The following TMEM163 variants were observed in gnomAD, a reference collection of about 807,000 sequenced individuals.
TMEM163 encodes the protein transmembrane protein 163.
A neutral mutation model predicts 29.3 loss-of-function variants in TMEM163; 17 were observed. That is an observed-to-expected ratio of 0.58 (90% CI 0.40 to 0.87). The LOEUF is 0.87. Among genes scored for constraint, TMEM163 ranks in the 40% least tolerant of loss-of-function variants. The probability of loss-of-function intolerance (pLI) is 0.00; values close to 1 mark genes in which losing one functional copy is unlikely to be tolerated. For missense variants in TMEM163, 303 were observed against 381.5 expected (o/e 0.79, Z 1.71); for synonymous variants, 157 against 160.6 (o/e 0.98, Z 0.17).
chr2:134,596,181 C>A (rs959996805), intron 2 of TMEM163, among the ~76,000 whole-genome samples: 3 of 152,124 alleles, frequency 2.0e-5, no homozygotes, highest in African/African-American at 7.2e-5. Flanking sequence ...ACATGAAGTC[C>A]TTGCCCACGC....
chr2:134,646,326 C>A (rs58522392), intron 2 of TMEM163, among the ~76,000 whole-genome samples: 8,566 of 152,058 alleles, frequency 0.056, 787 homozygotes, highest in African/African-American at 0.19. Flanking sequence ...TTCAGGTGAT[C>A]CACCCGCCTC....
In TMEM163 at chr2:134,574,576, C is replaced by CA. The variant is rs1407910023; in HGVS notation, c.323-22486dup. 4.6e-5 allele frequency among the ~76,000 whole-genome samples: 7 copies of CA among 151,822 alleles called. No individual in the cohort carries two copies. In the East Asian group the frequency reaches 5.8e-4, roughly 13 times the overall value. ...ACCCTGTCTCAAAACAAAAACAAAA[C>CA]AAAAAAAATCTAGGAAGATGTGTTC... is the stretch of plus-strand genomic sequence containing the variant. On this transcript the variant is annotated intron_variant, in intron 2 of 7. Transcript: ENST00000281924.
chr2:134,460,428 G>A lies in TMEM163; in HGVS notation c.668-2255C>T, dbSNP rs184381762. On this transcript the variant is annotated intron_variant, in intron 6 of 7. Coordinates refer to ENST00000281924, the MANE Select transcript of TMEM163 (RefSeq NM_030923.5). The surrounding 1 kb of genome is among the most constrained non-coding windows in gnomAD (Gnocchi z 4.3). ...ACAGGCGAGCTTTGCCATTTTAACC[G>A]CCCCCCTCCTCTCACTGGAAACCTA... Among the ~76,000 whole-genome samples, 42 of 151,760 alleles carry A rather than the reference G, an allele frequency of 2.8e-4. No homozygotes were observed. The highest frequency in any genetic ancestry group is 7.0e-4 in the African/African-American group (29 of 41,332).
chr2:134,704,276 A>G (rs1684760899), intron 2 of TMEM163, among the ~76,000 whole-genome samples: 1 of 152,070 alleles, frequency 6.6e-6, no homozygotes, highest in South Asian at 2.1e-4. Context: ...TGTCTCCTAA[A>G]TTCTCCTCCT....
rs1452756310 is a variant in TMEM163 at position 134,458,094 on chromosome 2, G to C, written c.747C>G (p.Val249=). 10 of 1,614,212 alleles carry C rather than the reference G, an allele frequency of 6.2e-6. No individual in the cohort carries two copies. The highest frequency in any genetic ancestry group is 1.7e-5 in the Admixed American group (1 of 60,032). The change falls in exon 7 of 8, where the codon GTC becomes GTG. Residue 249 remains valine, a synonymous_variant. Transcript: ENST00000281924. ...SAEVFKHDSA[V]WYLDGSIGVL... ...CGCCTATGCTGCCGTCCAGGTACCA[G>C]ACCGCCGAGTCATGCTTGAACACTT...
intron 2 of TMEM163, among the ~76,000 whole-genome samples, chr2:134,602,566 A>T (rs1330884318): frequency 6.6e-6 from 1 of 152,200 alleles, no homozygotes; most frequent in Non-Finnish European, 1.5e-5. Context: ...GGTAGCCTGA[A>T]TTGCCCTGAC....
intron 2 of TMEM163, among the ~76,000 whole-genome samples, chr2:134,617,705 A>G (rs1682640551): frequency 1.3e-5 from 2 of 152,226 alleles, no homozygotes; most frequent in South Asian, 4.1e-4. Context: ...AAAATGAGAC[A>G]TAGAAAACAA....
chr2:134,535,831 T>C (rs892187783), intron 4 of TMEM163, among the ~76,000 whole-genome samples: 9 of 152,038 alleles, frequency 5.9e-5, no homozygotes, highest in African/African-American at 2.2e-4. Flanking sequence ...CAAGCAATTA[T>C]CTTGCCTCAG....
At chr2:134,634,252 T>C (rs1683053770) in intron 2 of TMEM163, among the ~76,000 whole-genome samples, 4 of 151,924 alleles carry the variant, frequency 2.6e-5, no homozygotes, top group African/African-American at 7.3e-5. Flanking sequence ...AATGGGCTGC[T>C]CTCTGGAGTC....
intron 1 of TMEM163, chr2:134,713,742 G>A: frequency 4.4e-6 from 2 of 454,050 alleles, no homozygotes; most frequent in Admixed American, 4.7e-5. Flanking sequence ...CTCCTCAGCT[G>A]TGAGCATTGA....
At chr2:134,458,536 A>G (rs1210275839) in intron 6 of TMEM163, 3 of 214,422 alleles carry the variant, frequency 1.4e-5, no homozygotes, top group Non-Finnish European at 2.9e-5. Flanking sequence ...CCAGGCTCAC[A>G]GTAGACATTC....
At chr2:134,584,246 A>G (rs1488831123) in intron 2 of TMEM163, among the ~76,000 whole-genome samples, 2 of 152,224 alleles carry the variant, frequency 1.3e-5, no homozygotes, top group East Asian at 3.8e-4. Context: ...GAACTAAGGA[A>G]CAATGAAAAA....
At chr2:134,557,502 G>T (rs572372345) in intron 2 of TMEM163, among the ~76,000 whole-genome samples, 111 of 152,288 alleles carry the variant, frequency 7.3e-4, no homozygotes, top group African/African-American at 2.6e-3. Flanking sequence ...GAGACATGAG[G>T]CATCTATCAA....
At position 134,610,006 on chromosome 2, in the gene TMEM163, T is replaced by G. The variant is rs1045064578; in HGVS notation, c.323-57915A>C. On this transcript the variant is annotated intron_variant, in intron 2 of 7. Transcript: ENST00000281924. ...GAGAGAGAAAATCAAAGCTGCTGGG[T>G]GGGGTGAGGCAAAAGGGACTGGTCA... 3.3e-5 allele frequency among the ~76,000 whole-genome samples: 5 copies of G among 151,698 alleles called. No homozygotes were observed. The South Asian group carries it at 1.0e-3, about 32-fold the overall frequency.
chr2:134,550,505 G>A, intron 4 of TMEM163, 65 bp downstream of exon 4: 1 of 1,463,640 alleles, frequency 6.8e-7, no homozygotes, highest in South Asian at 1.1e-5. Context: ...TGTGTTGAGG[G>A]CCTCATTCCG....
chr2:134,667,273 A>AGG lies in TMEM163; in HGVS notation c.322+45926_322+45927insCC, dbSNP rs567752263. Among the ~76,000 whole-genome samples, 55 of 152,364 alleles carry AGG rather than the reference A, an allele frequency of 3.6e-4. 1 individual carries two copies. The East Asian group carries it at 8.9e-3, about 25-fold the overall frequency. ...AGCTGGGCACCTGGTATTGAGAATA[A>AGG]AAATCTTATTCGCAGCCTTCCTTGC... On this transcript the variant is annotated intron_variant, in intron 2 of 7. Coordinates refer to ENST00000281924, the MANE Select transcript of TMEM163 (RefSeq NM_030923.5).
At chr2:134,690,360 A>ACTTGG (rs1684439699) in intron 2 of TMEM163, among the ~76,000 whole-genome samples, 2 of 151,568 alleles carry the variant, frequency 1.3e-5, no homozygotes, top group South Asian at 4.2e-4. Context: ...ATCTTGGCTC[A>ACTTGG]CTGTAACCTC....
At chr2:134,697,462 A>T (rs1216024933) in intron 2 of TMEM163, among the ~76,000 whole-genome samples, 1 of 140,294 alleles carries the variant, frequency 7.1e-6, no homozygotes, top group Non-Finnish European at 1.5e-5. Context: ...GTTTCTTCTC[A>T]ATTTTTTTTT....
At chr2:134,643,960 G>A (rs1360221926) in intron 2 of TMEM163, among the ~76,000 whole-genome samples, 1 of 151,884 alleles carries the variant, frequency 6.6e-6, no homozygotes, top group Admixed American at 6.6e-5. Context: ...ACTAAAACCA[G>A]CCATATTTTT....
Sources: gnomAD v4.1 joint callset for allele counts (sites outside exome capture counted in the v4.1 genomes callset) on GRCh38, gnomAD v4.1.1 for gene constraint, Gnocchi (gnomAD v3.1) non-coding constraint, MANE v1.5 for transcripts, NCBI Gene and HGNC (gene_info 2026-07-23, HGNC 2026-07-21) for gene names.